Variants in DCST2 observed in about 807,000 individuals in gnomAD.
The protein encoded by DCST2 is DC-STAMP domain-containing protein 2.
DCST2 carries 64 observed loss-of-function variants against 81.8 expected under a neutral mutation model. The ratio of observed to expected loss-of-function variants is 0.78; its 90% CI spans 0.64 to 0.96. DCST2 has a LOEUF of 0.96. Among genes scored for constraint, DCST2 ranks in the 40% least tolerant of loss-of-function variants. The probability of loss-of-function intolerance (pLI) is 0.00; values close to 1 mark genes in which losing one functional copy is unlikely to be tolerated. For synonymous variants in DCST2, 354 were observed against 402.6 expected, an observed-to-expected ratio of 0.88 and a Z score of 1.44; for missense variants, 945 against 1,001.4, an observed-to-expected ratio of 0.94 and a Z score of 0.76.
At chr1:155,028,480 A>T (rs1659974095) in intron 8 of DCST2, among the ~76,000 whole-genome samples, 1 of 152,092 alleles carries the variant, frequency 6.6e-6, no homozygotes, top group Admixed American at 6.5e-5. Context: ...GCTACTTGGG[A>T]GGCTGAGACA....
chr1:155,020,463 G>A (rs563001451), intron 14 of DCST2, among the ~76,000 whole-genome samples: 17 of 151,720 alleles, frequency 1.1e-4, no homozygotes, highest in South Asian at 8.3e-4. Context: ...TCCGCCTCCC[G>A]CGTTCAAGTG....
Position 155,030,443 on chromosome 1 carries a change from A to G in DCST2, c.1008T>C (p.Leu336=). ...CGGCAGCCCCTCACTGGAGGTAGAGAAGCACAAGCAGCAGAGGCGTGGTGA... is the reference window on the plus strand; with the variant it reads ...CGGCAGCCCCTCACTGGAGGTAGAGGAGCACAAGCAGCAGAGGCGTGGTGA... ...MGFTTPLLLV[L]LYLQALFYRY... Residue 336 remains leucine (L), a synonymous_variant, in exon 6 of 15, where the codon CTT becomes CTC. Coordinates refer to ENST00000368424, the MANE Select transcript of DCST2 (RefSeq NM_144622.3). 1.2e-6 allele frequency: 2 copies of G among 1,613,602 alleles called. No homozygotes were observed. The highest frequency in any genetic ancestry group is 1.7e-6 in the Non-Finnish European group (2 of 1,179,900).
intron 10 of DCST2, 81 bp from the exon 11 acceptor site, chr1:155,024,683 CT>C (rs1659851498): frequency 2.1e-6 from 3 of 1,395,638 alleles, no homozygotes; most frequent in African/African-American, 1.5e-5. Flanking sequence ...CACTACCTAC[CT>C]TTTCCTTCTA....
intron 8 of DCST2, among the ~76,000 whole-genome samples, chr1:155,028,500 C>G (rs1659974597): frequency 6.6e-6 from 1 of 151,814 alleles, no homozygotes; most frequent in African/African-American, 2.4e-5. Context: ...AGGAGAATTG[C>G]TTGAACCCGG....
intron 4 of DCST2, 122 bp downstream of exon 4, chr1:155,031,452 T>C: frequency 9.7e-7 from 1 of 1,035,526 alleles, no homozygotes; most frequent in Non-Finnish European, 1.4e-6. Context: ...CCAAGCTTAT[T>C]GGTTCCTCTC....
At chr1:155,028,222 G>C (rs2102340696) in intron 8 of DCST2, among the ~76,000 whole-genome samples, 1 of 152,262 alleles carries the variant, frequency 6.6e-6, no homozygotes, top group South Asian at 2.1e-4. Flanking sequence ...CACCCGCCTG[G>C]CCCCAACACA....
Position 155,023,146 on chromosome 1 carries a change from G to T in DCST2, c.2076C>A (p.Ser692Arg). The change falls in exon 14 of 15, where the codon AGC becomes AGA. Residue 692 changes from serine (S) to arginine (R), a missense_variant. Ser to Arg is a moderately radical substitution (Grantham distance 110, BLOSUM62 -1). Coordinates refer to ENST00000368424, the MANE Select transcript of DCST2 (RefSeq NM_144622.3). ...QQQLQEVLGR[S>R]LSMESTSESS... ...ACTCGGAAGTGGACTCCATTGAGAGGCTCCTGCCGAGCACTTCTTGGAGCT... is the reference window on the plus strand; with the variant it reads ...ACTCGGAAGTGGACTCCATTGAGAGTCTCCTGCCGAGCACTTCTTGGAGCT... 1 of 1,613,582 alleles carries T rather than the reference G, an allele frequency of 6.2e-7. No individual in the cohort carries two copies. Among genetic ancestry groups the T allele is most frequent in the Non-Finnish European group, 8.5e-7 (1 of 1,180,028 alleles).
rs1487774568 is a variant in DCST2 at position 155,023,601 on chromosome 1, A to G, written c.1871-144T>C. On this transcript the variant is annotated intron_variant, in intron 12 of 14. Coordinates refer to ENST00000368424, the MANE Select transcript of DCST2 (RefSeq NM_144622.3). ...GGGTGCACACTAGGGAGCTGCTGCA[A>G]TGCCACTTGCATATAAATCCTATTC... 5 of 1,546,312 alleles carry G rather than the reference A, an allele frequency of 3.2e-6. No individual in the cohort carries two copies. The Admixed American group carries it at 5.9e-5, about 18-fold the overall frequency.
In DCST2 at chr1:155,031,150, G is replaced by A; in HGVS notation, c.805+19C>T. 6.3e-7 allele frequency: 1 copy of A among 1,584,994 alleles called. No homozygotes were observed. The highest frequency in any genetic ancestry group is 1.7e-4 in the Middle Eastern group (1 of 5,926). The stretch of plus-strand genomic sequence containing the variant: ...AGACCACTAGGGAGCACCATATGTG[G>A]CAGGAGGGGGTCACTCACGGGTGCC... On this transcript the variant is annotated intron_variant, in intron 5 of 14. Coordinates refer to ENST00000368424, the MANE Select transcript of DCST2 (RefSeq NM_144622.3).
Position 155,026,407 on chromosome 1 carries a change from G to A in DCST2, c.1511-5C>T. ...AGCATAGGCCATACATGACGCCTGG[G>A]AGCACAGCAGCCACAGTCAGCCTCA... On this transcript the variant is annotated splice_polypyrimidine_tract_variant and splice_region_variant and intron_variant, in intron 9 of 14. Coordinates refer to ENST00000368424, the MANE Select transcript of DCST2 (RefSeq NM_144622.3). 2 of 1,613,646 alleles carry A rather than the reference G, an allele frequency of 1.2e-6. No homozygotes were observed. Among genetic ancestry groups the A allele is most frequent in the Non-Finnish European group, 1.7e-6 (2 of 1,180,008 alleles).
At chr1:155,021,016 T>C (rs987194853) in intron 14 of DCST2, among the ~76,000 whole-genome samples, 2 of 151,706 alleles carry the variant, frequency 1.3e-5, no homozygotes, top group African/African-American at 4.9e-5. Flanking sequence ...TATTTATTTA[T>C]TGAGACCAAT....
Position 155,023,816 on chromosome 1 carries a change from C to A in DCST2, c.1870+16G>T. On this transcript the variant is annotated intron_variant, in intron 12 of 14. Transcript: ENST00000368424. Reference sequence around the variant, plus strand: ...AAGTCCGAGCAGGGAGAGGCACACGCCCCAGGGGGTCTCACCTTGGCAGCC... The same window carrying A: ...AAGTCCGAGCAGGGAGAGGCACACGACCCAGGGGGTCTCACCTTGGCAGCC... 3 of 1,612,854 alleles carry A rather than the reference C, an allele frequency of 1.9e-6. No individual in the cohort carries two copies. The highest frequency in any genetic ancestry group is 2.5e-6 in the Non-Finnish European group (3 of 1,179,548).
intron 10 of DCST2, among the ~76,000 whole-genome samples, chr1:155,025,952 C>A (rs551264143): frequency 6.6e-6 from 1 of 151,960 alleles, no homozygotes; most frequent in East Asian, 1.9e-4. Flanking sequence ...AAGCAGTCTG[C>A]CTGCCTCACC....
At position 155,023,820 on chromosome 1, in the gene DCST2, A is replaced by AG. The variant is rs1183922969; in HGVS notation, c.1870+11dup. 8 of 1,613,062 alleles carry AG rather than the reference A, an allele frequency of 5.0e-6. No individual in the cohort carries two copies. Among genetic ancestry groups the AG allele is most frequent in the African/African-American group, 2.7e-5 (2 of 74,906 alleles). On this transcript the variant is annotated intron_variant, in intron 12 of 14. Coordinates refer to ENST00000368424, the MANE Select transcript of DCST2 (RefSeq NM_144622.3). ...CCGAGCAGGGAGAGGCACACGCCCCAGGGGGTCTCACCTTGGCAGCCGGGG... is the reference window on the plus strand; with the variant it reads ...CCGAGCAGGGAGAGGCACACGCCCCAGGGGGGTCTCACCTTGGCAGCCGGGG...
intron 3 of DCST2, among the ~76,000 whole-genome samples, chr1:155,032,196 T>C (rs2102345984): frequency 6.6e-6 from 1 of 152,206 alleles, no homozygotes; most frequent in South Asian, 2.1e-4. Flanking sequence ...GGTTTCACGA[T>C]GTCAGCCAGG....
At chr1:155,026,980 G>A (rs1281048911) in intron 8 of DCST2, among the ~76,000 whole-genome samples, 1 of 151,992 alleles carries the variant, frequency 6.6e-6, no homozygotes, top group East Asian at 1.9e-4. Flanking sequence ...TGACCTTAAT[G>A]GTCAGTGAGT....
At chr1:155,030,381 G>A in intron 6 of DCST2, 51 bp downstream of exon 6, 1 of 1,602,092 alleles carries the variant, frequency 6.2e-7, no homozygotes, top group Non-Finnish European at 8.5e-7. Flanking sequence ...CTGCAGCCCT[G>A]GCCCTGCACC....
Position 155,023,440 on chromosome 1 carries a change from A to G in DCST2, c.1888T>C (p.Cys630Arg). 1 of 1,599,452 alleles carries G rather than the reference A, an allele frequency of 6.3e-7. No homozygotes were observed. Among genetic ancestry groups the G allele is most frequent in the South Asian group, 1.1e-5 (1 of 88,742 alleles). The change falls in exon 13 of 15, where the codon TGC (cysteine) becomes CGC (arginine). Residue 630 changes from cysteine to arginine, a missense_variant. Cys to Arg is a radical substitution (Grantham distance 180). Coordinates refer to ENST00000368424, the MANE Select transcript of DCST2 (RefSeq NM_144622.3). ...PGCQGLYCLT[C>R]FRLLDNTCSV... is the part of the protein sequence containing the mutation. The stretch of plus-strand genomic sequence containing the variant: ...CAGGTATTGTCCAGGAGGCGGAAGC[A>G]AGTGAGGCAGTAGAGACCTGGTGGA...
chr1:155,018,628 T>C lies in DCST2; in HGVS notation c.2238A>G (p.Lys746=). The C allele has an allele frequency of 6.2e-7, 1 of 1,613,688 alleles. No homozygotes were observed. ...GTTCTGAAGCTGGAGTGGGGGCTCC[T>C]TTAGTGGCGGAGGATGTCTCAGGTG... ...HRPPETSSAT[K]GAPTPASEPS... is the part of the protein sequence containing the mutation. Residue 746 remains lysine (K), a synonymous_variant, in exon 15 of 15, where the codon AAA becomes AAG. Coordinates refer to ENST00000368424, the MANE Select transcript of DCST2 (RefSeq NM_144622.3).
Sources: allele counts gnomAD v4.1 joint callset (sites outside exome capture counted in the v4.1 genomes callset), GRCh38; gene constraint gnomAD v4.1.1; transcripts MANE v1.5; gene names NCBI Gene and HGNC (gene_info 2026-07-23, HGNC 2026-07-21).